FMN1: variants seen among roughly 807,000 people sequenced by gnomAD.
FMN1 encodes formin-1.
A neutral mutation model predicts 132.4 loss-of-function variants in FMN1; 110 were observed. The ratio of observed to expected loss-of-function variants is 0.83; its 90% confidence interval spans 0.71 to 0.97. The LOEUF (loss-of-function observed/expected upper bound fraction) is 0.97. Among genes scored for constraint, FMN1 ranks in the 50% least tolerant of loss-of-function variants. The pLI is 0.00. For missense variants in FMN1, 1,792 were observed against 1,705.3 expected (o/e 1.05, Z -0.90); for synonymous variants, 722 against 651.7 (o/e 1.11, Z -1.64).
At chr15:33,155,657 GTTT>G in intron 3 of FMN1, among the ~76,000 whole-genome samples, 1 of 152,200 alleles carries the variant, frequency 6.6e-6, no homozygotes, top group South Asian at 2.1e-4. Flanking sequence ...AAGTTTTGCT[GTTT>G]TCTTTTTTAT....
rs183098375 is a variant in FMN1, at chr15:32,991,983, C to A, written c.2223+16031G>T. On this transcript the variant is annotated intron_variant, in intron 7 of 20. Coordinates refer to ENST00000616417, the MANE Select transcript of FMN1 (RefSeq NM_001277313.2). ...AAATGTTCTTTTTGATGAGTTTTTA[C>A]CATGAACTATAGACCTTGTAGTCCA... 2.3e-3 allele frequency among the ~76,000 whole-genome samples: 345 copies of A among 152,258 alleles called. 1 individual carries two copies. The highest frequency in any genetic ancestry group is 2.3e-3 in the Non-Finnish European group (155 of 68,014).
At chr15:33,025,931 T>G (rs188792200) in intron 6 of FMN1, among the ~76,000 whole-genome samples, 1 of 152,346 alleles carries the variant, frequency 6.6e-6, no homozygotes, top group East Asian at 1.9e-4. Context: ...CACATTTTCC[T>G]ACATTAAACT....
chr15:32,931,753 G>A (rs182631946), intron 9 of FMN1, among the ~76,000 whole-genome samples: 1 of 152,296 alleles, frequency 6.6e-6, no homozygotes, highest in Non-Finnish European at 1.5e-5. Flanking sequence ...TAGCATGAAT[G>A]AGCATCCTTG....
Position 33,050,166 on chromosome 15 carries a change from G to A in FMN1, c.2161+14791C>T, listed in dbSNP as rs182342171. Among the ~76,000 whole-genome samples the A allele has an allele frequency of 7.2e-4, 109 of 152,272 alleles. 1 individual carries two copies. Among genetic ancestry groups the A allele is most frequent in the Admixed American group, 7.1e-3 (109 of 15,286 alleles). On this transcript the variant is annotated intron_variant, in intron 6 of 20. Transcript: ENST00000616417. ...TAAGGTGATGTTCAGTAGGTTAGGCGTATAACGTGTATTTTGACTTACAAT... is the reference window on the plus strand; with the variant it reads ...TAAGGTGATGTTCAGTAGGTTAGGCATATAACGTGTATTTTGACTTACAAT...
chr15:33,189,542 G>T (rs951812820), intron 2 of FMN1, among the ~76,000 whole-genome samples: 1 of 152,082 alleles, frequency 6.6e-6, no homozygotes, highest in Non-Finnish European at 1.5e-5. Flanking sequence ...ATCCTGCTTT[G>T]TAAGTTTAAA....
intron 4 of FMN1, among the ~76,000 whole-genome samples, chr15:33,126,704 A>G (rs1963111931): frequency 7.0e-6 from 1 of 142,838 alleles, no homozygotes; most frequent in African/African-American, 2.5e-5. Flanking sequence ...CGAAGGCAAT[A>G]AAAGAGCAAT....
At chr15:32,931,594 C>G (rs914034869) in intron 9 of FMN1, among the ~76,000 whole-genome samples, 1 of 152,084 alleles carries the variant, frequency 6.6e-6, no homozygotes, top group East Asian at 1.9e-4. Context: ...TCACAGTTTG[C>G]TTTTTTGGGG....
intron 7 of FMN1, among the ~76,000 whole-genome samples, chr15:32,976,386 TATG>T (rs2140725561): frequency 6.6e-6 from 1 of 152,318 alleles, no homozygotes; most frequent in East Asian, 1.9e-4. Flanking sequence ...ATGGCGATTC[TATG>T]GCTTTGGACA....
At chr15:33,174,716 T>C (rs191217389) in intron 3 of FMN1, among the ~76,000 whole-genome samples, 19 of 152,124 alleles carry the variant, frequency 1.2e-4, no homozygotes, top group Admixed American at 8.5e-4. Flanking sequence ...TAGGATCATA[T>C]TCAGCATATA....
At chr15:32,892,828 G>A (rs1468215472) in intron 15 of FMN1, among the ~76,000 whole-genome samples, 1 of 151,928 alleles carries the variant, frequency 6.6e-6, no homozygotes, top group Non-Finnish European at 1.5e-5. Flanking sequence ...TCTCTTCTAG[G>A]TTTTCTAGTT....
intron 3 of FMN1, among the ~76,000 whole-genome samples, chr15:33,177,822 T>C (rs1225890878): frequency 3.9e-5 from 6 of 151,920 alleles, no homozygotes; most frequent in Non-Finnish European, 8.8e-5. Context: ...CAGACCAACA[T>C]GGTGAAACCC....
chr15:33,088,926 G>GGT lies in FMN1; in HGVS notation c.1914_1915dup (p.Pro639HisfsTer49). 1.3e-6 allele frequency: 2 copies of GGT among 1,535,926 alleles called. No individual in the cohort carries two copies. The highest frequency in any genetic ancestry group is 1.2e-5 in the South Asian group (1 of 84,042). ...TCCATCTCTGTTGGGAAGGTCTTTA[G>GGT]GTGTCTGCTCATTGAAGCCGTCCCA... On this transcript the variant is annotated frameshift_variant, in exon 5 of 21. Transcript: ENST00000616417. LOFTEE classifies it high-confidence loss of function.
chr15:32,903,882 G>A (rs984260082), intron 12 of FMN1, among the ~76,000 whole-genome samples: 1 of 151,894 alleles, frequency 6.6e-6, no homozygotes, highest in Non-Finnish European at 1.5e-5. Flanking sequence ...AATCTTAAAT[G>A]TTCCAATGTC....
intron 7 of FMN1, among the ~76,000 whole-genome samples, chr15:32,986,363 CCA>C (rs1476164782): frequency 6.6e-6 from 1 of 151,994 alleles, no homozygotes; most frequent in African/African-American, 2.4e-5. Context: ...TTCTAAAACC[CCA>C]CAGAGAAGAT....
intron 4 of FMN1, among the ~76,000 whole-genome samples, chr15:33,128,824 A>G (rs538601867): frequency 4.2e-4 from 64 of 152,332 alleles, no homozygotes; most frequent in Middle Eastern, 3.4e-3. Flanking sequence ...AAAATAACAA[A>G]GCCTCCGCAA....
chr15:32,794,862 C>T (rs904145587), intron 19 of FMN1, among the ~76,000 whole-genome samples: 4 of 152,254 alleles, frequency 2.6e-5, no homozygotes, highest in Middle Eastern at 3.4e-3. Flanking sequence ...GAGAAAAAAA[C>T]GTTTTGTGTA....
At chr15:33,166,404 T>A (rs138500104) in intron 3 of FMN1, among the ~76,000 whole-genome samples, 1 of 152,086 alleles carries the variant, frequency 6.6e-6, no homozygotes, top group Non-Finnish European at 1.5e-5. Context: ...TATTGCGGGA[T>A]AGGATTTTAA....
At chr15:33,048,468 G>A (rs1239153004) in intron 6 of FMN1, among the ~76,000 whole-genome samples, 1 of 151,692 alleles carries the variant, frequency 6.6e-6, no homozygotes, top group South Asian at 2.1e-4. Context: ...AAGGATTCAT[G>A]AAAGGATATT....
At chr15:32,893,584 T>A (rs991444975) in intron 15 of FMN1, among the ~76,000 whole-genome samples, 3 of 152,262 alleles carry the variant, frequency 2.0e-5, no homozygotes, top group Non-Finnish European at 4.4e-5. Context: ...CTTTAGCTAA[T>A]TGCTCATCAC....
Sources: allele counts gnomAD v4.1 joint callset (sites outside exome capture counted in the v4.1 genomes callset), GRCh38; gene constraint gnomAD v4.1.1; transcripts MANE v1.5; gene names NCBI Gene and HGNC (gene_info 2026-07-23, HGNC 2026-07-21).